The following ANO6 variants were observed in gnomAD, a reference collection of about 807,000 sequenced individuals.
ANO6 encodes the protein anoctamin-6.
In ANO6, 106 loss-of-function variants were observed where a neutral mutation model predicts 117.5. The ratio of observed to expected loss-of-function variants is 0.90; its 90% CI spans 0.77 to 1.06. The LOEUF (loss-of-function observed/expected upper bound fraction) is 1.06, where lower values mean the gene tolerates loss of function less well. ANO6 is among the 50% of genes least tolerant of loss of function. The pLI, the probability that ANO6 is intolerant of heterozygous loss-of-function variation, is 0.00. For synonymous variants in ANO6, 367 were observed against 385.1 expected, an observed-to-expected ratio of 0.95 and a Z score of 0.55; for missense variants, 955 against 1,121.1, an observed-to-expected ratio of 0.85 and a Z score of 2.12.
chr12:45,242,470 C>T (rs750009178), intron 1 of ANO6, among the ~76,000 whole-genome samples: 2 of 152,232 alleles, frequency 1.3e-5, no homozygotes, highest in African/African-American at 2.4e-5. Flanking sequence ...TTTCCAGGTA[C>T]AGACTGTCGT....
chr12:45,416,620 T>G (rs750977891), intron 16 of ANO6, 79 bp from the exon 17 acceptor site: 2 of 1,415,294 alleles, frequency 1.4e-6, no homozygotes, highest in Non-Finnish European at 2.0e-6. Flanking sequence ...TCGTTTGCCT[T>G]TCTCTTTCAA....
rs938234782 is a variant in ANO6 at position 45,216,256 on chromosome 12, G to C, written c.-66G>C. 13 of 1,541,262 alleles carry C rather than the reference G, an allele frequency of 8.4e-6. No homozygotes were observed. Among genetic ancestry groups the C allele is most frequent in the Non-Finnish European group, 8.8e-6 (10 of 1,135,768 alleles). On this transcript the variant is annotated 5_prime_UTR_variant, in exon 1 of 20. Coordinates refer to ENST00000320560, the MANE Select transcript of ANO6 (RefSeq NM_001025356.3). ...CCCCGATCCGGCCCCTGGGAGAGCCGCGCCGTTCTGGAACCCGGGAGCCCC... is the reference window on the plus strand; with the variant it reads ...CCCCGATCCGGCCCCTGGGAGAGCCCCGCCGTTCTGGAACCCGGGAGCCCC...
downstream of ANO6, among the ~76,000 whole-genome samples, chr12:45,434,713 A>G (rs1428385253): frequency 1.3e-5 from 2 of 152,224 alleles, no homozygotes; most frequent in Non-Finnish European, 2.9e-5. Context: ...ACCTCTGGGT[A>G]TAACTAAGAA....
At chr12:45,219,589 C>T (rs1253445220) in intron 1 of ANO6, among the ~76,000 whole-genome samples, 2 of 150,110 alleles carry the variant, frequency 1.3e-5, no homozygotes, top group African/African-American at 2.5e-5. Flanking sequence ...AGTGATTATC[C>T]TACCTCGGCT....
chr12:45,238,283 T>G (rs1468807423), intron 1 of ANO6, among the ~76,000 whole-genome samples: 1 of 151,636 alleles, frequency 6.6e-6, no homozygotes, highest in Non-Finnish European at 1.5e-5. Flanking sequence ...CCCAAGTAGC[T>G]GGGATTACAG....
chr12:45,303,456 A>T (rs1939562522), intron 2 of ANO6, among the ~76,000 whole-genome samples: 1 of 152,172 alleles, frequency 6.6e-6, no homozygotes, highest in South Asian at 2.1e-4. Context: ...TTTTGTTGAT[A>T]CTTTTCAAGC....
intron 16 of ANO6, among the ~76,000 whole-genome samples, chr12:45,414,252 CA>C (rs992553684): frequency 3.3e-5 from 5 of 151,612 alleles, no homozygotes; most frequent in Admixed American, 6.6e-5. Flanking sequence ...AAGTTGCAGG[CA>C]AGGGTTGTTT....
At chr12:45,301,959 A>C in intron 1 of ANO6, 55 bp from the exon 2 acceptor site, 1 of 1,449,492 alleles carries the variant, frequency 6.9e-7, no homozygotes. Flanking sequence ...GTACAGAACT[A>C]CGTGAGCCAG....
chr12:45,375,336 C>T (rs553693462), intron 9 of ANO6, among the ~76,000 whole-genome samples: 1 of 152,152 alleles, frequency 6.6e-6, no homozygotes, highest in Non-Finnish European at 1.5e-5. Flanking sequence ...CCTTTCTTCA[C>T]AGAATTGGAA....
At chr12:45,315,147 G>A (rs117854761) in intron 2 of ANO6, among the ~76,000 whole-genome samples, 2,643 of 152,202 alleles carry the variant, frequency 0.017, 56 homozygotes, top group East Asian at 0.086. Context: ...CTGCCTCTGT[G>A]CTAACACGAT....
At chr12:45,366,146 A>G (rs1346864847) in intron 8 of ANO6, among the ~76,000 whole-genome samples, 1 of 144,258 alleles carries the variant, frequency 6.9e-6, no homozygotes, top group Non-Finnish European at 1.5e-5. Context: ...ATTAATTTGT[A>G]GGAGTCCTTT....
intron 10 of ANO6, 76 bp from the exon 11 acceptor site, chr12:45,388,085 A>G: frequency 6.4e-7 from 1 of 1,558,482 alleles, no homozygotes; most frequent in African/African-American, 1.4e-5. Flanking sequence ...ATGGATAATT[A>G]ATATTATTCA....
chr12:45,362,243 C>G (rs539477075), intron 8 of ANO6, among the ~76,000 whole-genome samples: 1 of 151,894 alleles, frequency 6.6e-6, no homozygotes, highest in Admixed American at 6.6e-5. Flanking sequence ...TCTAGGAATT[C>G]TTCCATTTTA....
intron 11 of ANO6, 137 bp from the exon 12 acceptor site, chr12:45,390,284 G>A: frequency 4.1e-6 from 3 of 737,882 alleles, no homozygotes; most frequent in Non-Finnish European, 7.1e-6. Context: ...ACAAAAAAGT[G>A]CAATTATGAG....
chr12:45,398,129 A>C (rs1444405468), intron 12 of ANO6, among the ~76,000 whole-genome samples: 1 of 152,234 alleles, frequency 6.6e-6, no homozygotes, highest in Non-Finnish European at 1.5e-5. Context: ...AAAATACCAG[A>C]AGATATATTT....
chr12:45,290,073 A>G (rs1377843222), intron 1 of ANO6, among the ~76,000 whole-genome samples: 1 of 152,198 alleles, frequency 6.6e-6, no homozygotes, highest in African/African-American at 2.4e-5. Context: ...GAATATTTAT[A>G]TTATCTGGCT....
intron 12 of ANO6, 100 bp downstream of exon 12, chr12:45,390,598 T>G (rs1942421644): frequency 3.7e-6 from 4 of 1,075,048 alleles, no homozygotes; most frequent in Non-Finnish European, 5.6e-6. Context: ...AACTAAATGC[T>G]GAGCCTGGAA....
At chr12:45,220,054 G>A (rs892121573) in intron 1 of ANO6, among the ~76,000 whole-genome samples, 1 of 152,128 alleles carries the variant, frequency 6.6e-6, no homozygotes, top group African/African-American at 2.4e-5. Flanking sequence ...TCTTGTTCAT[G>A]TAGAATGCTA....
chr12:45,345,175 G>A (rs1941095071), intron 3 of ANO6, among the ~76,000 whole-genome samples: 1 of 152,118 alleles, frequency 6.6e-6, no homozygotes, highest in African/African-American at 2.4e-5. Context: ...TTTAAGTACT[G>A]TACAACCATT....
Sources: allele counts gnomAD v4.1 joint callset (sites outside exome capture counted in the v4.1 genomes callset), GRCh38; gene constraint gnomAD v4.1.1; transcripts MANE v1.5; gene names NCBI Gene and HGNC (gene_info 2026-07-23, HGNC 2026-07-21).